BLTP3B: variants seen among roughly 807,000 people sequenced by gnomAD.
BLTP3B encodes the protein bridge-like lipid transfer protein family member 3B.
At chr12:100,092,853 C>T in the BLTP3B span, 1 of 959,980 alleles carries the variant, frequency 1.0e-6, no homozygotes, top group South Asian at 4.8e-5. Flanking sequence ...AAAATAGTCT[C>T]CTGTACTTCT....
the BLTP3B span, chr12:100,142,786 C>T: frequency 8.5e-7 from 1 of 1,180,400 alleles, no homozygotes; most frequent in Non-Finnish European, 1.1e-6. Context: ...GCCAAGGCCA[C>T]AGCCGCCGCC....
the BLTP3B span, among the ~76,000 whole-genome samples, chr12:100,090,720 A>G: frequency 6.6e-6 from 1 of 152,168 alleles, no homozygotes; most frequent in Non-Finnish European, 1.5e-5. Context: ...TAAATACTAT[A>G]GACTCCAGAA....
the BLTP3B span, chr12:100,128,535 T>C: frequency 2.2e-5 from 25 of 1,152,230 alleles, no homozygotes; most frequent in Non-Finnish European, 2.7e-5. Flanking sequence ...TGCTTGCATT[T>C]ATAGAATGAA....
chr12:100,105,023 T>C, the BLTP3B span, among the ~76,000 whole-genome samples: 1 of 152,034 alleles, frequency 6.6e-6, no homozygotes, highest in Non-Finnish European at 1.5e-5. Context: ...CCCATACTCG[T>C]GGACTGGAAG....
chr12:100,050,376 G>A, the BLTP3B span: 3 of 1,454,562 alleles, frequency 2.1e-6, no homozygotes, highest in South Asian at 4.5e-5. Flanking sequence ...CAAAATTTAA[G>A]AAATAATATA....
the BLTP3B span, among the ~76,000 whole-genome samples, chr12:100,136,690 T>A: frequency 6.6e-6 from 1 of 152,254 alleles, no homozygotes; most frequent in Non-Finnish European, 1.5e-5. Flanking sequence ...CTTTTAGGAA[T>A]GGTCAGTACT....
chr12:100,086,383 GA>G, the BLTP3B span: 60,452 of 501,272 alleles, frequency 0.12, 2,498 homozygotes, highest in South Asian at 0.14. Context: ...GGGGGGGGGG[GA>G]AATATTAAGT....
the BLTP3B span, among the ~76,000 whole-genome samples, chr12:100,105,249 T>C: frequency 6.6e-6 from 1 of 151,858 alleles, no homozygotes; most frequent in South Asian, 2.1e-4. Context: ...TGCAAGTCTA[T>C]AGTAACCAAA....
chr12:100,138,969 C>T, the BLTP3B span, among the ~76,000 whole-genome samples: 1 of 152,118 alleles, frequency 6.6e-6, no homozygotes, highest in African/African-American at 2.4e-5. Context: ...GTTTCCATTC[C>T]CATGTGAAAA....
chr12:100,120,974 G>A, the BLTP3B span, among the ~76,000 whole-genome samples: 3 of 152,148 alleles, frequency 2.0e-5, no homozygotes, highest in Admixed American at 6.5e-5. Context: ...GTACACATAC[G>A]ATAAAATAGA....
the BLTP3B span, among the ~76,000 whole-genome samples, chr12:100,097,913 T>C: frequency 6.6e-6 from 1 of 152,116 alleles, no homozygotes; most frequent in African/African-American, 2.4e-5. Context: ...TATAAATGAA[T>C]GATTAAGAGT....
the BLTP3B span, among the ~76,000 whole-genome samples, chr12:100,069,127 G>A: frequency 2.0e-5 from 3 of 152,134 alleles, no homozygotes; most frequent in East Asian, 1.9e-4. Flanking sequence ...GAGGGGAATC[G>A]CTTGAACCCA....
chr12:100,079,532 G>A, the BLTP3B span, among the ~76,000 whole-genome samples: 2 of 152,130 alleles, frequency 1.3e-5, no homozygotes, highest in African/African-American at 4.8e-5. Context: ...TGCATTCAAG[G>A]GTGACTTGGG....
chr12:100,077,567 A>G, the BLTP3B span, among the ~76,000 whole-genome samples: 1 of 152,242 alleles, frequency 6.6e-6, no homozygotes, highest in Non-Finnish European at 1.5e-5. Context: ...AGAGGTCAGC[A>G]GCATCCCTGT....
At chr12:100,050,079 G>T in the BLTP3B span, 1 of 1,228,012 alleles carries the variant, frequency 8.1e-7, no homozygotes, top group Non-Finnish European at 1.1e-6. Flanking sequence ...TTCAATTATA[G>T]CCAAGATAGG....
At chr12:100,072,601 A>T in the BLTP3B span, 1 of 1,271,562 alleles carries the variant, frequency 7.9e-7, no homozygotes, top group Non-Finnish European at 1.0e-6. Flanking sequence ...TATTTATAAA[A>T]CTCAAAAATA....
chr12:100,071,373 T>G, the BLTP3B span, among the ~76,000 whole-genome samples: 1 of 151,682 alleles, frequency 6.6e-6, no homozygotes, highest in Non-Finnish European at 1.5e-5. Flanking sequence ...GGCACACACA[T>G]GTAGTCCCAG....
the BLTP3B span, among the ~76,000 whole-genome samples, chr12:100,103,695 C>T: frequency 1.3e-5 from 2 of 152,026 alleles, no homozygotes; most frequent in Non-Finnish European, 2.9e-5. Flanking sequence ...ATTTAGAACA[C>T]AGTATTCTAG....
chr12:100,130,951 T>TACATACATACATACATACATAC, the BLTP3B span, among the ~76,000 whole-genome samples: 960 of 133,154 alleles, frequency 7.2e-3, 20 homozygotes, highest in African/African-American at 0.021. Flanking sequence ...CATACATACA[T>TACATACATACATACATACATAC]ATATATATAT....
Sources: allele counts gnomAD v4.1 joint callset (sites outside exome capture counted in the v4.1 genomes callset), GRCh38; gene constraint gnomAD v4.1.1; transcripts MANE v1.5; gene names NCBI Gene and HGNC (gene_info 2026-07-23, HGNC 2026-07-21).